The following APCDD1 variants were observed in gnomAD, a reference collection of about 807,000 sequenced individuals.
APCDD1 encodes APC down-regulated 1.
A neutral mutation model predicts 38.1 loss-of-function variants in APCDD1; 15 were observed. The observed-to-expected ratio is 0.39, with a 90% CI of 0.26 to 0.61. APCDD1 has a LOEUF of 0.61. Among genes scored for constraint, APCDD1 ranks in the 20% least tolerant of loss-of-function variants. APCDD1 has a pLI of 0.49. For synonymous variants in APCDD1, 261 were observed against 279.7 expected, an observed-to-expected ratio of 0.93 and a Z score of 0.67; for missense variants, 647 against 696.2, an observed-to-expected ratio of 0.93 and a Z score of 0.79.
chr18:10,481,236 G>C (rs961236248), intron 3 of APCDD1, among the ~76,000 whole-genome samples: 1 of 152,232 alleles, frequency 6.6e-6, no homozygotes, highest in African/African-American at 2.4e-5. Context: ...GCAAGGACTT[G>C]AACAAACATG....
Position 10,466,904 on chromosome 18 carries a change from C to T in APCDD1, c.59-1565C>T, listed in dbSNP as rs539533835. Among the ~76,000 whole-genome samples the T allele has an allele frequency of 3.9e-5, 6 of 152,304 alleles. 1 individual carries two copies. In the East Asian group the frequency reaches 1.2e-3, roughly 29 times the overall value. On this transcript the variant is annotated intron_variant, in intron 1 of 4. Transcript: ENST00000355285. ...GTCTAGAATCTCTTTTCACAATTTT[C>T]ATTTAGTTGAGTAATACCCTTAGGT...
chr18:10,459,905 T>A (rs904243452), intron 1 of APCDD1, among the ~76,000 whole-genome samples: 2 of 152,218 alleles, frequency 1.3e-5, no homozygotes, highest in Non-Finnish European at 2.9e-5. Context: ...CAGGGCACAT[T>A]ATATAAAGTA....
intron 1 of APCDD1, among the ~76,000 whole-genome samples, chr18:10,456,164 A>T (rs372085381): frequency 1.3e-5 from 2 of 152,242 alleles, no homozygotes; most frequent in African/African-American, 4.8e-5. Flanking sequence ...GATGGCTCGC[A>T]TAGCTCCACA....
rs554300798 is a variant in APCDD1, at chr18:10,489,815, T to G, written c.*1777T>G. On this transcript the variant is annotated 3_prime_UTR_variant, in exon 5 of 5. Transcript: ENST00000355285. The stretch of plus-strand genomic sequence containing the variant: ...TTATATTTTAAGTTGTGGTGCAGAC[T>G]GAGGGGGCTTATTCAAAATGAAAAT... The G allele has an allele frequency of 6.6e-6, 1 of 152,232 alleles. No homozygotes were observed. Among genetic ancestry groups the G allele is most frequent in the South Asian group, 2.1e-4 (1 of 4,818 alleles). The allele number at this position is 152,232 out of a possible 1,614,324, so 9.4% of individuals were successfully genotyped here.
At chr18:10,474,556 C>T (rs971102502) in intron 3 of APCDD1, among the ~76,000 whole-genome samples, 4 of 152,228 alleles carry the variant, frequency 2.6e-5, no homozygotes, top group Non-Finnish European at 5.9e-5. Context: ...TGCACCCACT[C>T]AGGTTCTGGT....
chr18:10,469,102 A>G lies in APCDD1; in HGVS notation c.242+450A>G, dbSNP rs947617430. On this transcript the variant is annotated intron_variant, in intron 2 of 4. Transcript: ENST00000355285. The surrounding 1 kb of genome is among the most constrained non-coding windows in gnomAD (Gnocchi z 5.5). ...AAGTTAAAAGCTACCTCTACTAGCC[A>G]GGGTGCAGTTCTTGGATTCTTTTCC... Among the ~76,000 whole-genome samples, 1 of 152,236 alleles carries G rather than the reference A, an allele frequency of 6.6e-6. No individual in the cohort carries two copies. The highest frequency in any genetic ancestry group is 2.4e-5 in the African/African-American group (1 of 41,464).
chr18:10,485,532 C>T lies in APCDD1; in HGVS notation c.845C>T (p.Pro282Leu). 1 of 1,614,172 alleles carries T rather than the reference C, an allele frequency of 6.2e-7. No homozygotes were observed. Among genetic ancestry groups the T allele is most frequent in the Non-Finnish European group, 8.5e-7 (1 of 1,180,040 alleles). The change falls in exon 4 of 5, where the codon CCC becomes CTC. Residue 282 changes from proline to leucine, a missense_variant. Transcript: ENST00000355285. This position sits in a 1 kb window ranked among gnomAD's most constrained non-coding sequence, Gnocchi z 5.8. Reference protein sequence around the residue: ...RSDEHHPPILPPKADLTIGLH... With the variant: ...RSDEHHPPILLPKADLTIGLH... ...GACGAGCACCACCCTCCCATCCTGC[C>T]CCCAAAGGCAGACCTGACCATCGGC...
chr18:10,464,321 C>CACACACAT (rs760019520), intron 1 of APCDD1, among the ~76,000 whole-genome samples: 88 of 150,288 alleles, frequency 5.9e-4, no homozygotes, highest in Non-Finnish European at 9.9e-4. Context: ...AACACACACA[C>CACACACAT]ACACACACAC....
intron 3 of APCDD1, among the ~76,000 whole-genome samples, chr18:10,474,890 G>A (rs987014369): frequency 2.0e-4 from 31 of 152,174 alleles, no homozygotes; most frequent in Admixed American, 2.0e-3. Flanking sequence ...TTGTAAAGCT[G>A]ACCTTTTTAG....
At chr18:10,457,583 G>T (rs1328032049) in intron 1 of APCDD1, among the ~76,000 whole-genome samples, 1 of 152,160 alleles carries the variant, frequency 6.6e-6, no homozygotes, top group Non-Finnish European at 1.5e-5. Context: ...GTAGATAAAA[G>T]CATTTGTTCT....
At chr18:10,481,332 A>G (rs1192068455) in intron 3 of APCDD1, among the ~76,000 whole-genome samples, 1 of 152,254 alleles carries the variant, frequency 6.6e-6, no homozygotes, top group African/African-American at 2.4e-5. Flanking sequence ...AAAATGTGGA[A>G]TAGTCATACA....
intron 3 of APCDD1, among the ~76,000 whole-genome samples, chr18:10,478,510 T>C (rs1034148030): frequency 1.3e-5 from 2 of 152,198 alleles, no homozygotes; most frequent in African/African-American, 4.8e-5. Flanking sequence ...GCTGGAATCC[T>C]GGTCAGGGCT....
intron 1 of APCDD1, among the ~76,000 whole-genome samples, chr18:10,464,394 TA>T (rs1321686419): frequency 1.3e-5 from 2 of 151,996 alleles, no homozygotes; most frequent in Non-Finnish European, 2.9e-5. Flanking sequence ...TTCTGGCTCC[TA>T]AAGTATAGCA....
intron 1 of APCDD1, among the ~76,000 whole-genome samples, chr18:10,456,083 C>G (rs2030375107): frequency 6.6e-6 from 1 of 152,156 alleles, no homozygotes. Context: ...TCCGGAGGAT[C>G]AAGGAAAGGG....
chr18:10,458,345 A>T (rs758474431), intron 1 of APCDD1, among the ~76,000 whole-genome samples: 2 of 152,250 alleles, frequency 1.3e-5, no homozygotes, highest in South Asian at 2.1e-4. Context: ...AACTTTGCAG[A>T]TTACCAAATG....
intron 1 of APCDD1, among the ~76,000 whole-genome samples, chr18:10,455,565 G>A (rs1412977224): frequency 1.3e-5 from 2 of 152,230 alleles, no homozygotes; most frequent in African/African-American, 4.8e-5. Flanking sequence ...TTTGCCTCGC[G>A]ATTGAGGCGG....
intron 4 of APCDD1, 50 bp from the exon 5 acceptor site, chr18:10,487,540 A>T (rs1263702906): frequency 6.9e-6 from 11 of 1,592,784 alleles, no homozygotes; most frequent in Non-Finnish European, 9.5e-6. Context: ...GGGTTTCTGG[A>T]TCCCACGCCT....
At chr18:10,463,313 A>G (rs2030618872) in intron 1 of APCDD1, among the ~76,000 whole-genome samples, 1 of 152,106 alleles carries the variant, frequency 6.6e-6, no homozygotes, top group Admixed American at 6.6e-5. Flanking sequence ...TCCCTGGGGC[A>G]AAATGTTTGT....
At chr18:10,458,353 A>G (rs1181673494) in intron 1 of APCDD1, among the ~76,000 whole-genome samples, 1 of 152,230 alleles carries the variant, frequency 6.6e-6, no homozygotes. Context: ...AGATTACCAA[A>G]TGAGAGTTTA....
Sources: gnomAD v4.1 joint callset for allele counts (sites outside exome capture counted in the v4.1 genomes callset) on GRCh38, gnomAD v4.1.1 for gene constraint, Gnocchi (gnomAD v3.1) non-coding constraint, MANE v1.5 for transcripts, NCBI Gene and HGNC (gene_info 2026-07-23, HGNC 2026-07-21) for gene names.